VPS13B: variants seen among roughly 807,000 people sequenced by gnomAD.
VPS13B encodes vacuolar protein sorting 13 homolog B.
In VPS13B, 285 loss-of-function variants were observed where a neutral mutation model predicts 426.4. The ratio of observed to expected loss-of-function variants is 0.67; its 90% CI spans 0.61 to 0.74. The LOEUF is 0.74. Among genes scored for constraint, VPS13B ranks in the 30% least tolerant of loss-of-function variants. The pLI is 0.00. For missense variants in VPS13B, 4,537 were observed against 4,782.6 expected, an observed-to-expected ratio of 0.95 and a Z score of 1.51; for synonymous variants, 1,676 against 1,676.4, an observed-to-expected ratio of 1.00 and a Z score of 0.01.
intron 33 of VPS13B, among the ~76,000 whole-genome samples, chr8:99,594,563 A>T (rs887379215): frequency 6.6e-6 from 1 of 152,014 alleles, no homozygotes; most frequent in African/African-American, 2.4e-5. Flanking sequence ...TAGAGCATAT[A>T]TGACTATTGC....
chr8:99,463,687 A>T (rs1261200553), intron 23 of VPS13B, among the ~76,000 whole-genome samples: 5 of 152,144 alleles, frequency 3.3e-5, no homozygotes, highest in Admixed American at 3.3e-4. Flanking sequence ...CTTTATCTTT[A>T]ACTGTCTATT....
At chr8:99,688,168 T>G (rs75715920) in intron 35 of VPS13B, among the ~76,000 whole-genome samples, 15,225 of 148,940 alleles carry the variant, frequency 0.1, 955 homozygotes, top group African/African-American at 0.15. Flanking sequence ...GAGGAGCTTG[T>G]TCTTTTGTTT....
intron 34 of VPS13B, among the ~76,000 whole-genome samples, chr8:99,658,131 T>C (rs941719564): frequency 6.6e-6 from 1 of 152,204 alleles, no homozygotes; most frequent in African/African-American, 2.4e-5. Context: ...TTAAAAATGC[T>C]TTAAGAAACT....
chr8:99,544,895 A>C (rs1823881682), intron 30 of VPS13B, among the ~76,000 whole-genome samples: 1 of 152,176 alleles, frequency 6.6e-6, no homozygotes, highest in South Asian at 2.1e-4. Context: ...GATTTCACCA[A>C]ATCCTTAGGC....
At chr8:99,100,809 A>G (rs566312069) in intron 4 of VPS13B, among the ~76,000 whole-genome samples, 2 of 152,030 alleles carry the variant, frequency 1.3e-5, no homozygotes, top group Admixed American at 6.5e-5. Context: ...TTGGGAGGCC[A>G]AGGAGGGCGG....
intron 35 of VPS13B, among the ~76,000 whole-genome samples, chr8:99,694,955 C>T (rs1831889555): frequency 6.6e-6 from 1 of 151,468 alleles, no homozygotes; most frequent in African/African-American, 2.4e-5. Context: ...AAATGCTCAT[C>T]ATCACTGGCC....
intron 25 of VPS13B, among the ~76,000 whole-genome samples, chr8:99,484,587 C>T (rs1820203060): frequency 1.3e-5 from 2 of 152,070 alleles, no homozygotes; most frequent in African/African-American, 4.8e-5. Flanking sequence ...ATTGAAGCTA[C>T]TGAATGAAAA....
At chr8:99,245,729 A>T (rs946404893) in intron 17 of VPS13B, among the ~76,000 whole-genome samples, 1 of 152,132 alleles carries the variant, frequency 6.6e-6, no homozygotes, top group East Asian at 1.9e-4. Flanking sequence ...GTTTTAGTAC[A>T]GATAGGGTTT....
chr8:99,378,365 A>G (rs758610974), intron 19 of VPS13B, among the ~76,000 whole-genome samples: 2 of 152,274 alleles, frequency 1.3e-5, no homozygotes, highest in South Asian at 2.1e-4. Flanking sequence ...TCAAACACAC[A>G]TGCTTTACAA....
chr8:99,711,239 A>C (rs1306839285), intron 36 of VPS13B, among the ~76,000 whole-genome samples: 1 of 152,220 alleles, frequency 6.6e-6, no homozygotes, highest in Non-Finnish European at 1.5e-5. Context: ...CAAGGAAGGC[A>C]CATGGGGAGG....
intron 8 of VPS13B, 101 bp from the exon 9 acceptor site, chr8:99,134,531 A>G (rs1361366887): frequency 1.1e-6 from 1 of 929,840 alleles, no homozygotes; most frequent in East Asian, 2.7e-5. Context: ...AATTTCCTGA[A>G]TCTTAAAATT....
At chr8:99,087,490 G>T (rs577959190) in intron 3 of VPS13B, among the ~76,000 whole-genome samples, 1 of 152,038 alleles carries the variant, frequency 6.6e-6, no homozygotes, top group South Asian at 2.1e-4. Flanking sequence ...ACACTCCCCA[G>T]TGAGATGAAC....
At chr8:99,497,208 A>AC (rs1820961250) in intron 25 of VPS13B, among the ~76,000 whole-genome samples, 1 of 138,086 alleles carries the variant, frequency 7.2e-6, no homozygotes, top group African/African-American at 2.7e-5. Flanking sequence ...TTATATATTT[A>AC]ATATATATAA....
At chr8:99,237,624 A>G (rs1816709569) in intron 17 of VPS13B, among the ~76,000 whole-genome samples, 1 of 152,152 alleles carries the variant, frequency 6.6e-6, no homozygotes, top group African/African-American at 2.4e-5. Flanking sequence ...GCTATACCAC[A>G]GGGATATAGA....
intron 17 of VPS13B, among the ~76,000 whole-genome samples, chr8:99,212,932 A>G (rs1815178634): frequency 4.6e-5 from 7 of 152,150 alleles, no homozygotes; most frequent in Admixed American, 3.9e-4. Flanking sequence ...CTGTTTTCAT[A>G]TACCCCCAAA....
rs746270988 is a variant in VPS13B at position 99,134,981 on chromosome 8, A to G, written c.1303-34A>G. 7 of 1,612,456 alleles carry G rather than the reference A, an allele frequency of 4.3e-6. No homozygotes were observed. In the East Asian group the frequency reaches 1.1e-4, roughly 26 times the overall value. ...GCCTCTAACATTTTTATTAAATTCA[A>G]TTCTTAGTTCTAATGTTTCCTTTCG... is the stretch of plus-strand genomic sequence containing the variant. On this transcript the variant is annotated intron_variant, in intron 9 of 61. Coordinates refer to ENST00000357162, the MANE Select transcript of VPS13B (RefSeq NM_152564.5).
chr8:99,398,617 A>G (rs1563708110), intron 21 of VPS13B, among the ~76,000 whole-genome samples: 1 of 152,190 alleles, frequency 6.6e-6, no homozygotes, highest in Non-Finnish European at 1.5e-5. Context: ...AATTGGAGAT[A>G]CCACAAAGGC....
At chr8:99,148,201 C>T (rs1810850950) in intron 14 of VPS13B, among the ~76,000 whole-genome samples, 191 bp downstream of exon 14, 2 of 151,328 alleles carry the variant, frequency 1.3e-5, no homozygotes, top group South Asian at 4.2e-4. Context: ...AACAGCAATA[C>T]CTTGTCTCTA....
intron 34 of VPS13B, among the ~76,000 whole-genome samples, chr8:99,648,263 A>T (rs189658073): frequency 1.3e-5 from 2 of 152,320 alleles, no homozygotes; most frequent in East Asian, 3.9e-4. Context: ...ATTAAGATTA[A>T]TTTTGAAGGT....
Sources: allele counts gnomAD v4.1 joint callset (sites outside exome capture counted in the v4.1 genomes callset), GRCh38; gene constraint gnomAD v4.1.1; transcripts MANE v1.5; gene names NCBI Gene and HGNC (gene_info 2026-07-23, HGNC 2026-07-21).